FBP1: variants seen among roughly 807,000 people sequenced by gnomAD.
FBP1 encodes fructose-1,6-bisphosphatase 1.
A neutral mutation model predicts 29.9 loss-of-function variants in FBP1; 22 were observed. The observed-to-expected ratio is 0.74, with a 90% CI of 0.53 to 1.05. FBP1 has a LOEUF of 1.05. Ranked by LOEUF, FBP1 falls within the 50% of genes least tolerant of loss-of-function variation. The pLI is 0.00. For missense variants in FBP1, 345 were observed against 448.2 expected, an observed-to-expected ratio of 0.77 and a Z score of 2.08; for synonymous variants, 175 against 178.6, an observed-to-expected ratio of 0.98 and a Z score of 0.16.
In FBP1 at chr9:94,615,110, G is replaced by A. The variant is rs553601805; in HGVS notation, c.426+2658C>T. On this transcript the variant is annotated intron_variant, in intron 3 of 6. Coordinates refer to ENST00000375326, the MANE Select transcript of FBP1 (RefSeq NM_000507.4). ...TTTTTGGTGGAGATGGGGTTTCACC[G>A]TGTTAGCCAGGATGGTCGCAATCTC... 2.4e-4 allele frequency among the ~76,000 whole-genome samples: 37 copies of A among 152,166 alleles called. 1 individual carries two copies. Among genetic ancestry groups the A allele is most frequent in the African/African-American group, 8.9e-4 (37 of 41,532 alleles).
chr9:94,624,618 A>C (rs978898247), intron 1 of FBP1, among the ~76,000 whole-genome samples: 2 of 152,158 alleles, frequency 1.3e-5, no homozygotes, highest in Admixed American at 1.3e-4. Context: ...GCACCATTGC[A>C]CTCCAGCCTG....
At chr9:94,638,614 C>T (rs1828230677) in intron 1 of FBP1, among the ~76,000 whole-genome samples, 1 of 121,326 alleles carries the variant, frequency 8.2e-6, no homozygotes, top group African/African-American at 3.8e-5. Context: ...GGAGACCTCC[C>T]AGCCTGCTTG....
intron 1 of FBP1, among the ~76,000 whole-genome samples, chr9:94,629,656 G>T (rs535818393): frequency 7.2e-5 from 11 of 152,230 alleles, no homozygotes; most frequent in South Asian, 4.2e-4. Context: ...GGGGAGGTAG[G>T]GGGGAGGGTC....
At chr9:94,632,278 T>C (rs951231291) in intron 1 of FBP1, among the ~76,000 whole-genome samples, 2 of 152,150 alleles carry the variant, frequency 1.3e-5, no homozygotes, top group African/African-American at 2.4e-5. Context: ...TGTTCTAATA[T>C]GTAACATGCT....
At position 94,606,812 on chromosome 9, in the gene FBP1, T is replaced by G; in HGVS notation, c.705+3A>C. ...GCACCACCCTCCCCGGGCCCTCACT[T>G]ACTGGGGGGAACTTCTTCCTCTGGA... On this transcript the variant is annotated splice_donor_region_variant and intron_variant, in intron 5 of 6. Transcript: ENST00000375326. 1 of 1,613,450 alleles carries G rather than the reference T, an allele frequency of 6.2e-7. No homozygotes were observed. Among genetic ancestry groups the G allele is most frequent in the Non-Finnish European group, 8.5e-7 (1 of 1,179,666 alleles).
chr9:94,636,652 AC>A (rs1828194881), intron 1 of FBP1, among the ~76,000 whole-genome samples: 1 of 151,978 alleles, frequency 6.6e-6, no homozygotes, highest in Admixed American at 6.6e-5. Context: ...TGTGAAAGGT[AC>A]TGACACATTT....
At position 94,609,223 on chromosome 9, in the gene FBP1, C is replaced by T. The variant is rs368542786; in HGVS notation, c.567+698G>A. ...AAAAAAAAAGAAAGAAAGACTGCACCAGTTAACTGAAGGTTTGTGTAAATG... is the reference window on the plus strand; with the variant it reads ...AAAAAAAAAGAAAGAAAGACTGCACTAGTTAACTGAAGGTTTGTGTAAATG... On this transcript the variant is annotated intron_variant, in intron 4 of 6. Transcript: ENST00000375326. Among the ~76,000 whole-genome samples, 31 of 151,804 alleles carry T rather than the reference C, an allele frequency of 2.0e-4. No homozygotes were observed. In the East Asian group the frequency reaches 4.3e-3, roughly 21 times the overall value.
At position 94,610,089 on chromosome 9, in the gene FBP1, T is replaced by TTTTTG. The variant is rs767454226; in HGVS notation, c.427-33_427-29dup. ...AGAGCAAGAAAGAAATCAAAGAATG[T>TTTTTG]TTTTGTTTTGTTTTGTGATTCTTTT... On this transcript the variant is annotated intron_variant, in intron 3 of 6. Coordinates refer to ENST00000375326, the MANE Select transcript of FBP1 (RefSeq NM_000507.4). 4.3e-6 allele frequency: 7 copies of TTTTTG among 1,610,784 alleles called. No homozygotes were observed. The South Asian group carries it at 5.5e-5, about 13-fold the overall frequency.
At chr9:94,606,296 C>T (rs1043509536) in intron 5 of FBP1, among the ~76,000 whole-genome samples, 1 of 152,110 alleles carries the variant, frequency 6.6e-6, no homozygotes, top group Admixed American at 6.5e-5. Flanking sequence ...GGAGATGTCA[C>T]GATGGGCACT....
intron 2 of FBP1, among the ~76,000 whole-genome samples, chr9:94,618,991 T>A (rs1412672425): frequency 6.6e-6 from 1 of 152,186 alleles, no homozygotes; most frequent in Non-Finnish European, 1.5e-5. Flanking sequence ...TTTAAATGTC[T>A]GTAGCAGATT....
At chr9:94,617,667 T>G in intron 3 of FBP1, 101 bp downstream of exon 3, 1 of 779,586 alleles carries the variant, frequency 1.3e-6, no homozygotes, top group Non-Finnish European at 2.3e-6. Context: ...TCTCACAGTT[T>G]CATGATCTCC....
intron 1 of FBP1, among the ~76,000 whole-genome samples, chr9:94,629,669 G>A (rs1356241941): frequency 6.6e-6 from 1 of 152,116 alleles, no homozygotes; most frequent in Non-Finnish European, 1.5e-5. Flanking sequence ...GGAGGGTCTA[G>A]TCTCTCAACC....
In FBP1 at chr9:94,620,031, G is replaced by A. The variant is rs1827923055; in HGVS notation, c.333+298C>T. On this transcript the variant is annotated intron_variant, in intron 2 of 6. Transcript: ENST00000375326. ...TGGATAGGGATGTAGTACAAGAGGT[G>A]ACCAACAGAAGCCAGGGTTTGAAGA... Among the ~76,000 whole-genome samples the A allele has an allele frequency of 2.6e-5, 4 of 152,264 alleles. No individual in the cohort carries two copies. The South Asian group carries it at 8.3e-4, about 32-fold the overall frequency.
chr9:94,629,135 C>G (rs189023592), intron 1 of FBP1, among the ~76,000 whole-genome samples: 47 of 152,286 alleles, frequency 3.1e-4, no homozygotes, highest in Non-Finnish European at 6.2e-4. Context: ...GCACCTGCCA[C>G]CACACCTGGC....
At chr9:94,616,116 T>C (rs1827858528) in intron 3 of FBP1, among the ~76,000 whole-genome samples, 1 of 151,658 alleles carries the variant, frequency 6.6e-6, no homozygotes, top group Non-Finnish European at 1.5e-5. Context: ...GCGTGAGCCA[T>C]CTCGCTAGGC....
At chr9:94,635,049 A>C (rs965861614) in intron 1 of FBP1, among the ~76,000 whole-genome samples, 2 of 137,370 alleles carry the variant, frequency 1.5e-5, no homozygotes, top group African/African-American at 5.5e-5. Context: ...AGATTGCACC[A>C]CTGCACACCA....
chr9:94,625,943 G>C (rs1383918894), intron 1 of FBP1, among the ~76,000 whole-genome samples: 1 of 152,076 alleles, frequency 6.6e-6, no homozygotes, highest in Non-Finnish European at 1.5e-5. Flanking sequence ...AGCCACACAG[G>C]GCCTTTAGCA....
At chr9:94,613,363 A>C (rs890242551) in intron 3 of FBP1, among the ~76,000 whole-genome samples, 4 of 152,238 alleles carry the variant, frequency 2.6e-5, no homozygotes, top group Non-Finnish European at 4.4e-5. Context: ...CTTATGCTCT[A>C]AACAGCCAAG....
chr9:94,615,231 T>C (rs1481951439), intron 3 of FBP1, among the ~76,000 whole-genome samples: 1 of 152,156 alleles, frequency 6.6e-6, no homozygotes, highest in African/African-American at 2.4e-5. Flanking sequence ...TTTAAAAAAG[T>C]CACTTCTGGT....
Sources: gnomAD v4.1 joint callset for allele counts (sites outside exome capture counted in the v4.1 genomes callset) on GRCh38, gnomAD v4.1.1 for gene constraint, MANE v1.5 for transcripts, NCBI Gene and HGNC (gene_info 2026-07-23, HGNC 2026-07-21) for gene names.